The following NRXN1 variants were observed in gnomAD, a reference collection of about 807,000 sequenced individuals.
The protein encoded by NRXN1 is neurexin 1.
Under a neutral mutation model 150.9 loss-of-function variants are expected in NRXN1, and 39 were observed. The ratio of observed to expected loss-of-function variants is 0.26; its 90% CI spans 0.20 to 0.34. The LOEUF is 0.34. NRXN1 is among the 10% of genes least tolerant of loss of function. The probability of loss-of-function intolerance (pLI) is 1.00; values close to 1 mark genes in which losing one functional copy is unlikely to be tolerated. For synonymous variants in NRXN1, 924 were observed against 757.0 expected (o/e 1.22, Z -3.62); for missense variants, 1,815 against 1,949.9 (o/e 0.93, Z 1.30).
intron 16 of NRXN1, among the ~76,000 whole-genome samples, chr2:50,470,210 C>T (rs2089324529): frequency 6.6e-6 from 1 of 151,690 alleles, no homozygotes; most frequent in African/African-American, 2.4e-5. Context: ...GGTACACATT[C>T]TCACTAATGA....
intron 2 of NRXN1, among the ~76,000 whole-genome samples, chr2:50,934,550 T>C (rs1688239154): frequency 6.6e-6 from 1 of 152,190 alleles, no homozygotes; most frequent in South Asian, 2.1e-4. Context: ...TAGCCACATG[T>C]AGCCACTGGC....
intron 17 of NRXN1, among the ~76,000 whole-genome samples, chr2:50,407,693 C>T (rs2082853583): frequency 6.6e-6 from 1 of 152,058 alleles, no homozygotes; most frequent in Admixed American, 6.5e-5. Context: ...ACCCAGCCCT[C>T]TCATCATGTG....
chr2:50,330,123 A>G (rs998550338), intron 17 of NRXN1, among the ~76,000 whole-genome samples: 4 of 152,142 alleles, frequency 2.6e-5, no homozygotes, highest in Admixed American at 6.5e-5. Flanking sequence ...GTATGATGCC[A>G]TATTAGTTTT....
intron 2 of NRXN1, among the ~76,000 whole-genome samples, chr2:50,934,193 A>T (rs1210682729): frequency 6.6e-6 from 1 of 152,130 alleles, no homozygotes; most frequent in Non-Finnish European, 1.5e-5. Flanking sequence ...TTTCATAAAC[A>T]AATCCAAACT....
chr2:50,903,807 C>A (rs1021174403), intron 5 of NRXN1, among the ~76,000 whole-genome samples: 1 of 152,286 alleles, frequency 6.6e-6, no homozygotes. Flanking sequence ...TAAAATTGAA[C>A]TTCTGTGATT....
intron 19 of NRXN1, among the ~76,000 whole-genome samples, chr2:50,063,631 T>C (rs1178540234): frequency 6.6e-6 from 1 of 151,810 alleles, no homozygotes; most frequent in African/African-American, 2.4e-5. Flanking sequence ...TATCAGCTTA[T>C]ACATTTCTCA....
intron 18 of NRXN1, among the ~76,000 whole-genome samples, chr2:50,145,004 A>G (rs761259661): frequency 2.6e-5 from 4 of 151,792 alleles, no homozygotes; most frequent in Non-Finnish European, 4.4e-5. Flanking sequence ...TGAAATAACT[A>G]ATATAAATGT....
chr2:50,794,945 C>T (rs1444227669), intron 5 of NRXN1, among the ~76,000 whole-genome samples: 1 of 152,130 alleles, frequency 6.6e-6, no homozygotes, highest in Non-Finnish European at 1.5e-5. Context: ...AAATCACTTT[C>T]ATAAATGACC....
At chr2:50,152,036 G>A (rs2058726874) in intron 18 of NRXN1, among the ~76,000 whole-genome samples, 1 of 151,358 alleles carries the variant, frequency 6.6e-6, no homozygotes, top group South Asian at 2.1e-4. Flanking sequence ...TTTTCTTATT[G>A]TGGTATAATA....
intron 17 of NRXN1, among the ~76,000 whole-genome samples, chr2:50,388,744 T>A (rs57613055): frequency 1.6e-3 from 244 of 151,932 alleles, no homozygotes; most frequent in African/African-American, 5.6e-3. Context: ...CATTCTTTTC[T>A]TATCATATTT....
intron 21 of NRXN1, among the ~76,000 whole-genome samples, chr2:50,046,975 T>C (rs1421575): frequency 6.6e-6 from 1 of 151,976 alleles, no homozygotes; most frequent in East Asian, 1.9e-4. Flanking sequence ...CTTCGACAAA[T>C]GGTTCCCATT....
chr2:50,347,906 C>T lies in NRXN1; in HGVS notation c.3365-110936G>A. 1.1e-6 allele frequency: 1 copy of T among 919,626 alleles called. No individual in the cohort carries two copies. The highest frequency in any genetic ancestry group is 1.3e-6 in the Non-Finnish European group (1 of 769,992). The allele number at this position is 919,626 out of a possible 1,614,324, so 57.0% of individuals were successfully genotyped here. ...CTAGCTTCCCACGAAAATCGCCCTGCTTTGCCTCTCCCTTGCATTCTCCAC... is the reference window on the plus strand; with the variant it reads ...CTAGCTTCCCACGAAAATCGCCCTGTTTTGCCTCTCCCTTGCATTCTCCAC... On this transcript the variant is annotated intron_variant, in intron 17 of 22. Coordinates refer to ENST00000401669, the MANE Select transcript of NRXN1 (RefSeq NM_001330078.2). This position sits in a 1 kb window ranked among gnomAD's most constrained non-coding sequence, Gnocchi z 4.9.
chr2:50,209,852 AGCCTCT>A (rs201566162), intron 18 of NRXN1, among the ~76,000 whole-genome samples: 42,036 of 151,758 alleles, frequency 0.28, 6,230 homozygotes, highest in East Asian at 0.43. Flanking sequence ...TTGTACTTAA[AGCCTCT>A]GCAATAATTC....
intron 17 of NRXN1, among the ~76,000 whole-genome samples, chr2:50,441,603 G>C (rs1303429192): frequency 1.3e-5 from 2 of 152,060 alleles, no homozygotes; most frequent in African/African-American, 2.4e-5. Context: ...TGTGCATTTT[G>C]TCCAAGACTC....
At chr2:50,594,552 G>A (rs1307143445) in intron 8 of NRXN1, among the ~76,000 whole-genome samples, 1 of 152,158 alleles carries the variant, frequency 6.6e-6, no homozygotes, top group East Asian at 1.9e-4. Context: ...GCTAGGCTAA[G>A]AGAGAGTCAT....
intron 5 of NRXN1, among the ~76,000 whole-genome samples, chr2:50,664,764 G>C (rs1265972805): frequency 6.7e-6 from 1 of 149,412 alleles, no homozygotes; most frequent in Non-Finnish European, 1.5e-5. Context: ...ATAAAAGATG[G>C]AGTTAACATT....
intron 8 of NRXN1, among the ~76,000 whole-genome samples, chr2:50,594,044 T>C (rs931810081): frequency 2.6e-5 from 4 of 152,228 alleles, no homozygotes; most frequent in Non-Finnish European, 4.4e-5. Flanking sequence ...CCTGCTGCCA[T>C]GCAAATGAAG....
chr2:50,597,534 G>C (rs1446863290), intron 8 of NRXN1, among the ~76,000 whole-genome samples: 1 of 152,048 alleles, frequency 6.6e-6, no homozygotes, highest in Non-Finnish European at 1.5e-5. Flanking sequence ...TCAATGTCCT[G>C]ATGGTTCTGG....
At chr2:50,117,692 T>C (rs897680643) in intron 18 of NRXN1, among the ~76,000 whole-genome samples, 1 of 151,958 alleles carries the variant, frequency 6.6e-6, no homozygotes, top group Non-Finnish European at 1.5e-5. Context: ...CTAGTGTGTA[T>C]GTCTTTACAC....
Sources: allele counts gnomAD v4.1 joint callset (sites outside exome capture counted in the v4.1 genomes callset), GRCh38; gene constraint gnomAD v4.1.1; non-coding constraint Gnocchi (gnomAD v3.1); transcripts MANE v1.5; gene names NCBI Gene and HGNC (gene_info 2026-07-23, HGNC 2026-07-21).